The following PLCB1 variants were observed in gnomAD, a reference collection of about 807,000 sequenced individuals.
PLCB1 encodes the protein 1-phosphatidylinositol 4,5-bisphosphate phosphodiesterase beta-1.
A neutral mutation model predicts 161.8 loss-of-function variants in PLCB1; 46 were observed. The ratio of observed to expected loss-of-function variants is 0.28; its 90% CI spans 0.22 to 0.36. The LOEUF (loss-of-function observed/expected upper bound fraction) is 0.36, where lower values mean the gene tolerates loss of function less well. Ranked by LOEUF, PLCB1 falls within the 10% of genes least tolerant of loss-of-function variation. The probability of loss-of-function intolerance (pLI) is 1.00; values close to 1 mark genes in which losing one functional copy is unlikely to be tolerated. For missense variants in PLCB1, 1,016 were observed against 1,472.5 expected (o/e 0.69, Z 5.07); for synonymous variants, 517 against 503.7 (o/e 1.03, Z -0.35).
chr20:8,565,462 T>A (rs1325543739), intron 3 of PLCB1, among the ~76,000 whole-genome samples: 1 of 151,984 alleles, frequency 6.6e-6, no homozygotes, highest in Non-Finnish European at 1.5e-5. Flanking sequence ...ATTCTGCGCA[T>A]GTACTTAAAG....
chr20:8,594,334 G>A (rs552557740), intron 3 of PLCB1, among the ~76,000 whole-genome samples: 1 of 152,086 alleles, frequency 6.6e-6, no homozygotes, highest in Admixed American at 6.6e-5. Flanking sequence ...TTAGCAATAG[G>A]ATTTTTAAGT....
chr20:8,539,606 C>G lies in PLCB1; in HGVS notation c.247-88688C>G, dbSNP rs183971607. ...CTTGGAACAGGGTAGATACTTGCCT[C>G]TTTTCTTTATTTTCTTTCTTTCTTT... On this transcript the variant is annotated intron_variant, in intron 3 of 31. Coordinates refer to ENST00000338037, the MANE Select transcript of PLCB1 (RefSeq NM_015192.4). 3.5e-5 allele frequency among the ~76,000 whole-genome samples: 5 copies of G among 142,086 alleles called. No individual in the cohort carries two copies. The East Asian group carries it at 8.3e-4, about 24-fold the overall frequency. The allele number at this position is 142,086 out of a possible 152,430, so 93.2% of individuals were successfully genotyped here.
chr20:8,646,989 C>G (rs1180220614), intron 5 of PLCB1, among the ~76,000 whole-genome samples: 1 of 152,186 alleles, frequency 6.6e-6, no homozygotes, highest in African/African-American at 2.4e-5. Flanking sequence ...CATTCCAGAC[C>G]TAATACCTCA....
At chr20:8,530,164 T>C (rs902888254) in intron 3 of PLCB1, among the ~76,000 whole-genome samples, 1 of 152,154 alleles carries the variant, frequency 6.6e-6, no homozygotes, top group African/African-American at 2.4e-5. Context: ...TCTTTTCAAG[T>C]GTTCTGCACA....
chr20:8,689,889 T>C (rs1297586803), intron 10 of PLCB1, among the ~76,000 whole-genome samples: 1 of 140,654 alleles, frequency 7.1e-6, no homozygotes, highest in African/African-American at 2.6e-5. Flanking sequence ...AAAAAGATGA[T>C]GTGATACTTT....
chr20:8,265,318 A>G (rs751268601), intron 2 of PLCB1, among the ~76,000 whole-genome samples: 10 of 152,186 alleles, frequency 6.6e-5, no homozygotes, highest in Admixed American at 2.0e-4. Flanking sequence ...GCACTGGGAT[A>G]GTTGTTACCA....
chr20:8,848,016 C>T (rs890817743), intron 31 of PLCB1, among the ~76,000 whole-genome samples: 1 of 152,158 alleles, frequency 6.6e-6, no homozygotes, highest in Non-Finnish European at 1.5e-5. Context: ...CATGTCCTCA[C>T]ATGATGGAAG....
intron 9 of PLCB1, among the ~76,000 whole-genome samples, chr20:8,664,825 C>T (rs1239152248): frequency 2.0e-5 from 3 of 152,134 alleles, no homozygotes; most frequent in African/African-American, 7.2e-5. Context: ...CCACCAGCAG[C>T]GCCAAGCCTA....
chr20:8,790,455 T>C (rs548915717), intron 31 of PLCB1, among the ~76,000 whole-genome samples, 194 bp downstream of exon 31: 1 of 152,306 alleles, frequency 6.6e-6, no homozygotes, highest in African/African-American at 2.4e-5. Context: ...CCTGGTGAGC[T>C]TTTAAAAACT....
At chr20:8,689,280 C>T (rs1046465477) in intron 10 of PLCB1, among the ~76,000 whole-genome samples, 2 of 152,112 alleles carry the variant, frequency 1.3e-5, no homozygotes, top group East Asian at 1.9e-4. Context: ...ACAATCATAT[C>T]GTCAGCAGTC....
At position 8,884,735 on chromosome 20, in the gene PLCB1, T is replaced by C. The variant is rs1165294218; in HGVS notation, c.*2886T>C. The C allele has an allele frequency of 6.6e-6, 1 of 152,654 alleles. No individual in the cohort carries two copies. The highest frequency in any genetic ancestry group is 2.4e-5 in the African/African-American group (1 of 41,464). 9.5% of individuals were successfully genotyped at this position (152,654 alleles called of 1,614,324 possible). A position where few individuals can be genotyped will look rare whatever the true frequency, so the allele number is the denominator to read the frequency against. ...AGATAGGACAAAGTATTTGAAGCTCTTAAAATGTACATATTTTGGTTCTTC... is the reference window on the plus strand; with the variant it reads ...AGATAGGACAAAGTATTTGAAGCTCCTAAAATGTACATATTTTGGTTCTTC... On this transcript the variant is annotated 3_prime_UTR_variant, in exon 32 of 32. Transcript: ENST00000338037.
intron 2 of PLCB1, among the ~76,000 whole-genome samples, chr20:8,332,668 C>A (rs1480313232): frequency 6.6e-6 from 1 of 152,200 alleles, no homozygotes; most frequent in African/African-American, 2.4e-5. Context: ...AGTAGTCAGA[C>A]TCTAGTGACA....
At chr20:8,312,332 TG>T (rs1984443899) in intron 2 of PLCB1, among the ~76,000 whole-genome samples, 1 of 152,088 alleles carries the variant, frequency 6.6e-6, no homozygotes. Flanking sequence ...AATGACTCCA[TG>T]GTACTTTTCA....
intron 2 of PLCB1, among the ~76,000 whole-genome samples, chr20:8,337,017 A>G (rs1189270864): frequency 6.6e-6 from 1 of 152,162 alleles, no homozygotes; most frequent in Non-Finnish European, 1.5e-5. Flanking sequence ...TATATGTCTA[A>G]TTCAGTTCCC....
Position 8,881,792 on chromosome 20 carries a change from C to T in PLCB1, c.3594C>T (p.Pro1198=). 7.4e-6 allele frequency: 12 copies of T among 1,614,118 alleles called. No individual in the cohort carries two copies. Among genetic ancestry groups the T allele is most frequent in the Non-Finnish European group, 1.0e-5 (12 of 1,179,974 alleles). The change falls in exon 32 of 32, where the codon CCC becomes CCT. Residue 1198 remains proline, a synonymous_variant. Coordinates refer to ENST00000338037, the MANE Select transcript of PLCB1 (RefSeq NM_015192.4). ...CTGGAAAAGTGAACCACAAGACTCCCTCCAGTGAGGAGCTGGGAGGAGACA... is the reference window on the plus strand; with the variant it reads ...CTGGAAAAGTGAACCACAAGACTCCTTCCAGTGAGGAGCTGGGAGGAGACA... ...SDPGKVNHKT[P]SSEELGGDIP... is the part of the protein sequence containing the mutation.
chr20:8,402,000 G>A (rs1978574445), intron 3 of PLCB1, among the ~76,000 whole-genome samples: 1 of 152,076 alleles, frequency 6.6e-6, no homozygotes. Context: ...CATTGATTTG[G>A]AATGCTATCT....
intron 2 of PLCB1, among the ~76,000 whole-genome samples, chr20:8,192,145 T>C (rs1357081852): frequency 6.6e-6 from 1 of 152,092 alleles, no homozygotes; most frequent in Admixed American, 6.6e-5. Flanking sequence ...GTCATCCTTT[T>C]ATTCAGACTT....
At chr20:8,252,617 C>T (rs893132458) in intron 2 of PLCB1, among the ~76,000 whole-genome samples, 2 of 151,876 alleles carry the variant, frequency 1.3e-5, no homozygotes, top group African/African-American at 4.8e-5. Context: ...GCAGCTGGAC[C>T]ACACTGTTTC....
At chr20:8,713,184 TTTTG>T (rs1318800004) in intron 12 of PLCB1, among the ~76,000 whole-genome samples, 17 of 152,094 alleles carry the variant, frequency 1.1e-4, no homozygotes, top group African/African-American at 3.9e-4. Context: ...CAGGTTTTGT[TTTTG>T]TTTTTGTTTG....
Sources: allele counts gnomAD v4.1 joint callset (sites outside exome capture counted in the v4.1 genomes callset), GRCh38; gene constraint gnomAD v4.1.1; transcripts MANE v1.5; gene names NCBI Gene and HGNC (gene_info 2026-07-23, HGNC 2026-07-21).